The following DNAH12 variants were observed in gnomAD, a reference collection of about 807,000 sequenced individuals.
The protein encoded by DNAH12 is dynein axonemal heavy chain 12.
Under a neutral mutation model 371.5 loss-of-function variants are expected in DNAH12, and 285 were observed. The observed-to-expected ratio is 0.77, with a 90% CI of 0.70 to 0.85. The LOEUF is 0.85. Ranked by LOEUF, DNAH12 falls within the 40% of genes least tolerant of loss-of-function variation. The probability of loss-of-function intolerance (pLI) is 0.00; values close to 1 mark genes in which losing one functional copy is unlikely to be tolerated. For missense variants in DNAH12, 3,611 were observed against 3,689.4 expected, an observed-to-expected ratio of 0.98 and a Z score of 0.55; for synonymous variants, 1,200 against 1,213.0, an observed-to-expected ratio of 0.99 and a Z score of 0.22.
At chr3:57,342,484 C>CAAAAAAAAA (rs71088060) in intron 60 of DNAH12, among the ~76,000 whole-genome samples, 156 of 65,844 alleles carry the variant, frequency 2.4e-3, no homozygotes, top group East Asian at 8.1e-3. Context: ...ACTAAAAATA[C>CAAAAAAAAA]AAAAAAAAAA....
chr3:57,411,060 A>G (rs2064186432), intron 39 of DNAH12, among the ~76,000 whole-genome samples: 1 of 152,180 alleles, frequency 6.6e-6, no homozygotes, highest in African/African-American at 2.4e-5. Context: ...GAAGAAAGGA[A>G]TGAAACTATC....
At chr3:57,318,840 G>GT (rs2061742553) in intron 65 of DNAH12, among the ~76,000 whole-genome samples, 1 of 151,868 alleles carries the variant, frequency 6.6e-6, no homozygotes, top group Non-Finnish European at 1.5e-5. Flanking sequence ...CTCTAGCTTT[G>GT]TTTTTTCTCA....
chr3:57,410,444 T>C (rs147729826), intron 39 of DNAH12, among the ~76,000 whole-genome samples: 1 of 152,318 alleles, frequency 6.6e-6, no homozygotes, highest in East Asian at 1.9e-4. Flanking sequence ...ACTGTTCCAC[T>C]GACTGGCTGT....
intron 2 of DNAH12, among the ~76,000 whole-genome samples, chr3:57,531,668 C>A (rs554695508): frequency 2.7e-5 from 4 of 147,198 alleles, no homozygotes; most frequent in African/African-American, 7.6e-5. Flanking sequence ...GAGGCTGGGG[C>A]AGAAGAATCC....
At chr3:57,390,936 G>C (rs1392016147) in intron 45 of DNAH12, among the ~76,000 whole-genome samples, 3 of 152,116 alleles carry the variant, frequency 2.0e-5, no homozygotes, top group African/African-American at 7.2e-5. Flanking sequence ...CAATGTCTTT[G>C]TAACCTGGTA....
At chr3:57,343,489 CCAGGGGCA>C (rs2062455128) in intron 60 of DNAH12, among the ~76,000 whole-genome samples, 1 of 152,246 alleles carries the variant, frequency 6.6e-6, no homozygotes, top group Non-Finnish European at 1.5e-5. Flanking sequence ...TCTCAGCAAA[CCAGGGGCA>C]CAATGCACTG....
At chr3:57,355,653 G>A (rs1366016280) in intron 59 of DNAH12, among the ~76,000 whole-genome samples, 6 of 151,996 alleles carry the variant, frequency 3.9e-5, no homozygotes, top group Admixed American at 1.3e-4. Context: ...AGTGTAAGAG[G>A]GTTCCAATTA....
At chr3:57,454,522 T>C (rs946258946) in intron 23 of DNAH12, among the ~76,000 whole-genome samples, 4 of 151,530 alleles carry the variant, frequency 2.6e-5, no homozygotes, top group Non-Finnish European at 5.9e-5. Context: ...TAAGATTATA[T>C]ATAGAAACTG....
chr3:57,506,665 CT>C (rs2153392521), intron 8 of DNAH12, among the ~76,000 whole-genome samples: 1 of 152,218 alleles, frequency 6.6e-6, no homozygotes, highest in East Asian at 1.9e-4. Flanking sequence ...TGGTCTTGAA[CT>C]CCTGAGCTCA....
At chr3:57,344,374 C>T (rs963666182) in intron 60 of DNAH12, among the ~76,000 whole-genome samples, 1 of 152,176 alleles carries the variant, frequency 6.6e-6, no homozygotes, top group Admixed American at 6.5e-5. Flanking sequence ...TTACGGAGAA[C>T]AGTATGGAGG....
Position 57,311,828 on chromosome 3 carries a change from G to T in DNAH12, c.10663-878C>A, listed in dbSNP as rs187070619. 3.7e-4 allele frequency among the ~76,000 whole-genome samples: 56 copies of T among 152,298 alleles called. No individual in the cohort carries two copies. The Middle Eastern group carries it at 0.01, about 28-fold the overall frequency. Reference sequence around the variant, plus strand: ...TGCAACAGCATAAATCACACACTATGACACAGTTCCACTGGCAATACATAT... The same window carrying T: ...TGCAACAGCATAAATCACACACTATTACACAGTTCCACTGGCAATACATAT... On this transcript the variant is annotated intron_variant, in intron 66 of 73. Transcript: ENST00000495027.
chr3:57,403,975 C>T (rs1246605907), intron 42 of DNAH12, among the ~76,000 whole-genome samples: 1 of 152,094 alleles, frequency 6.6e-6, no homozygotes, highest in Non-Finnish European at 1.5e-5. Flanking sequence ...ATCTGCCAGT[C>T]CTAAGCATCA....
At chr3:57,463,928 T>C (rs1324148177) in intron 17 of DNAH12, among the ~76,000 whole-genome samples, 1 of 151,834 alleles carries the variant, frequency 6.6e-6, no homozygotes, top group African/African-American at 2.4e-5. Flanking sequence ...AGTAGCCTCA[T>C]GAGTAGCTGG....
chr3:57,429,906 T>C, intron 32 of DNAH12, 132 bp from the exon 33 acceptor site: 2 of 740,114 alleles, frequency 2.7e-6, no homozygotes, highest in South Asian at 4.8e-5. Flanking sequence ...AGCCAGAAAA[T>C]CTTAATTCTA....
intron 43 of DNAH12, chr3:57,402,351 C>G (rs1048186878): frequency 7.8e-5 from 100 of 1,276,252 alleles, no homozygotes; most frequent in Non-Finnish European, 9.8e-5. Context: ...GTTGGGGCTA[C>G]AGACCCCTAG....
intron 11 of DNAH12, among the ~76,000 whole-genome samples, chr3:57,500,989 C>CA (rs1377108492): frequency 3.3e-5 from 5 of 152,180 alleles, no homozygotes; most frequent in African/African-American, 1.2e-4. Flanking sequence ...CTATGTTGCC[C>CA]AGGCTGGTCT....
chr3:57,498,770 T>G (rs1298520876), intron 11 of DNAH12, among the ~76,000 whole-genome samples: 1 of 151,954 alleles, frequency 6.6e-6, no homozygotes, highest in Non-Finnish European at 1.5e-5. Flanking sequence ...GAGGCCGAGG[T>G]GGGCGGATCA....
chr3:57,477,196 G>A (rs142307260), intron 13 of DNAH12, among the ~76,000 whole-genome samples: 13 of 152,254 alleles, frequency 8.5e-5, no homozygotes, highest in South Asian at 2.1e-4. Flanking sequence ...GGTAACAGAC[G>A]GCACCTGGAA....
rs1399506968 is a variant in DNAH12 at position 57,421,537 on chromosome 3, A to G, written c.5543T>C (p.Val1848Ala). 1 of 1,551,498 alleles carries G rather than the reference A, an allele frequency of 6.4e-7. No homozygotes were observed. Among genetic ancestry groups the G allele is most frequent in the African/African-American group, 1.4e-5 (1 of 73,026 alleles). ...TCATACCTCATACATGTAGTCATAG[A>G]CCAGGCCTTTTTCATCAAATGGGCA... ...WECPFDEKGL[V>A]YDYMYELKNK... Residue 1848 changes from valine to alanine, a missense_variant, in exon 36 of 74, where the codon GTC (valine) becomes GCC (alanine). This residue lies in a region of DNAH12 where 2,266 missense variants were observed against 2,236.9 expected (regional missense o/e 1.01). Coordinates refer to ENST00000495027, the MANE Select transcript of DNAH12 (RefSeq NM_001366028.2).
Sources: gnomAD v4.1 joint callset for allele counts (sites outside exome capture counted in the v4.1 genomes callset) on GRCh38, gnomAD v4.1.1 for gene constraint, gnomAD v4.1.1 regional missense constraint, MANE v1.5 for transcripts, NCBI Gene and HGNC (gene_info 2026-07-23, HGNC 2026-07-21) for gene names.